The following STS variants were observed in gnomAD, a reference collection of about 807,000 sequenced individuals.
STS encodes steryl-sulfatase.
STS carries 7 observed loss-of-function variants against 26.8 expected under a neutral mutation model. That is an observed-to-expected ratio of 0.26 (90% confidence interval 0.15 to 0.49). The LOEUF (loss-of-function observed/expected upper bound fraction) is 0.49. Ranked by LOEUF, STS falls within the 20% of genes least tolerant of loss-of-function variation. The pLI is 0.98. For synonymous variants in STS, 199 were observed against 189.4 expected, an observed-to-expected ratio of 1.05 and a Z score of -0.42; for missense variants, 434 against 465.6, an observed-to-expected ratio of 0.93 and a Z score of 0.63.
intron 7 of STS, among the ~76,000 whole-genome samples, chrX:7,280,473 T>C (rs1924805040): frequency 8.9e-6 from 1 of 112,193 alleles, no homozygotes. Flanking sequence ...TCAATCCCAG[T>C]TAATTCTGAA....
At chrX:7,212,111 G>A (rs1323568239) in intron 2 of STS, among the ~76,000 whole-genome samples, 1 of 111,806 alleles carries the variant, frequency 8.9e-6, no homozygotes, top group African/African-American at 3.3e-5. Context: ...GTGTATGCAA[G>A]TGATAATATG....
intron 1 of STS, among the ~76,000 whole-genome samples, chrX:7,160,873 C>T (rs772778846): frequency 8.9e-6 from 1 of 112,248 alleles, no homozygotes; most frequent in South Asian, 3.7e-4. Flanking sequence ...GGAAAAAGAA[C>T]ATACATGCCT....
intron 5 of STS, 90 bp downstream of exon 5, chrX:7,257,678 A>G: frequency 3.6e-6 from 4 of 1,099,624 alleles, no homozygotes; most frequent in South Asian, 3.7e-5. Context: ...GGGAGAGGAC[A>G]TCATGACAGT....
At chrX:7,312,182 T>C (rs1926511501) in intron 8 of STS, among the ~76,000 whole-genome samples, 1 of 111,845 alleles carries the variant, frequency 8.9e-6, no homozygotes, top group South Asian at 3.8e-4. Context: ...TGTTCCCACC[T>C]CAGAGTCTTT....
chrX:7,176,947 C>G (rs549411281), intron 1 of STS, among the ~76,000 whole-genome samples: 1 of 111,728 alleles, frequency 9.0e-6, no homozygotes, highest in African/African-American at 3.3e-5. Flanking sequence ...GTGTCATTTT[C>G]TGCAAACCTC....
intron 1 of STS, among the ~76,000 whole-genome samples, chrX:7,151,916 G>A (rs1294460270): frequency 9.8e-5 from 11 of 111,797 alleles, no homozygotes; most frequent in African/African-American, 3.6e-4. Flanking sequence ...TCATTGTGGG[G>A]AGGGGGCTTA....
At position 7,259,782 on chromosome X, in the gene STS, G is replaced by T. The variant is rs368972607; in HGVS notation, c.806+10G>T. ...CCCAGTTCATACAGCGGTGGGTATT[G>T]CCTTGTCCTCTGATGCTGCCTGTTA... is the stretch of plus-strand genomic sequence containing the variant. On this transcript the variant is annotated intron_variant, in intron 6 of 10. Transcript: ENST00000674429. The T allele has an allele frequency of 4.1e-6, 5 of 1,206,587 alleles. No homozygotes were observed. Among genetic ancestry groups the T allele is most frequent in the African/African-American group, 1.7e-5 (1 of 57,165 alleles).
At chrX:7,262,307 C>T (rs1415098520) in intron 6 of STS, among the ~76,000 whole-genome samples, 5 of 111,550 alleles carry the variant, frequency 4.5e-5, no homozygotes, top group Non-Finnish European at 1.9e-5. Context: ...GTTCTGTCAT[C>T]TCAATAGATG....
Position 7,209,803 on chromosome X carries a change from G to A in STS, c.-5+18795G>A, listed in dbSNP as rs774232338. On this transcript the variant is annotated intron_variant, in intron 2 of 10. Transcript: ENST00000674429. ...CCCCCACCCCCAAATAGGCCCTGGT[G>A]TGTGTTGTTCCCCTCTCTGTGTCCA... Among the ~76,000 whole-genome samples, 21 of 109,597 alleles carry A rather than the reference G, an allele frequency of 1.9e-4. No individual in the cohort carries two copies. The East Asian group carries it at 5.7e-3, about 30-fold the overall frequency.
intron 6 of STS, among the ~76,000 whole-genome samples, chrX:7,266,505 C>T (rs1393310842): frequency 2.7e-5 from 3 of 111,895 alleles, no homozygotes; most frequent in Admixed American, 9.5e-5. Flanking sequence ...ATCCACTCCA[C>T]AATCCCTCAC....
At chrX:7,281,700 G>A (rs923052262) in intron 7 of STS, among the ~76,000 whole-genome samples, 1 of 111,825 alleles carries the variant, frequency 8.9e-6, no homozygotes, top group East Asian at 2.8e-4. Flanking sequence ...CTGGCAATGG[G>A]GAACCATAGG....
intron 2 of STS, among the ~76,000 whole-genome samples, chrX:7,205,523 A>C (rs1170622508): frequency 8.9e-6 from 1 of 111,942 alleles, no homozygotes; most frequent in Non-Finnish European, 1.9e-5. Context: ...TTCAGGGGCC[A>C]ATGCAACTGT....
intron 9 of STS, among the ~76,000 whole-genome samples, chrX:7,325,777 G>C (rs537202359): frequency 5.3e-5 from 6 of 112,286 alleles, no homozygotes; most frequent in African/African-American, 1.9e-4. Flanking sequence ...GTAGAAGTAG[G>C]ATTGGAGGGA....
At chrX:7,250,700 C>A (rs1241734305) in intron 2 of STS, among the ~76,000 whole-genome samples, 1 of 112,359 alleles carries the variant, frequency 8.9e-6, no homozygotes, top group Non-Finnish European at 1.9e-5. Flanking sequence ...TCTGTTTGAA[C>A]ATGTTAAATT....
At chrX:7,234,684 A>G (rs1156571955) in intron 2 of STS, among the ~76,000 whole-genome samples, 3 of 111,662 alleles carry the variant, frequency 2.7e-5, no homozygotes, top group African/African-American at 9.8e-5. Flanking sequence ...CATGACTTCA[A>G]ACTTGAGCAT....
At chrX:7,244,718 T>C (rs752913688) in intron 2 of STS, among the ~76,000 whole-genome samples, 2 of 110,905 alleles carry the variant, frequency 1.8e-5, no homozygotes, top group African/African-American at 6.6e-5. Context: ...CCAGGGATGG[T>C]GCTAAGCATC....
intron 1 of STS, among the ~76,000 whole-genome samples, chrX:7,148,709 G>C (rs1008525456): frequency 1.8e-5 from 2 of 112,071 alleles, no homozygotes; most frequent in Admixed American, 9.4e-5. Context: ...GACTTGAACC[G>C]GCAGCCGCGC....
At chrX:7,294,310 T>C (rs1294002278) in intron 7 of STS, among the ~76,000 whole-genome samples, 1 of 111,078 alleles carries the variant, frequency 9.0e-6, no homozygotes, top group East Asian at 2.8e-4. Context: ...GTATCTTCCA[T>C]TTATTATGGT....
chrX:7,336,733 A>C (rs1337296616), intron 10 of STS, among the ~76,000 whole-genome samples: 1 of 112,348 alleles, frequency 8.9e-6, no homozygotes, highest in Non-Finnish European at 1.9e-5. Flanking sequence ...AAGAAATGTG[A>C]AGAACAAAGT....
Sources: allele counts gnomAD v4.1 joint callset (sites outside exome capture counted in the v4.1 genomes callset), GRCh38; gene constraint gnomAD v4.1.1; transcripts MANE v1.5; gene names NCBI Gene and HGNC (gene_info 2026-07-23, HGNC 2026-07-21).